SH3RF3: variants seen among roughly 807,000 people sequenced by gnomAD.
SH3RF3 encodes the protein E3 ubiquitin-protein ligase SH3RF3.
SH3RF3 carries 29 observed loss-of-function variants against 66.3 expected under a neutral mutation model. That is an observed-to-expected ratio of 0.44 (90% confidence interval 0.33 to 0.60). The LOEUF is 0.60. Ranked by LOEUF, SH3RF3 falls within the 20% of genes least tolerant of loss-of-function variation. The pLI is 0.04. For missense variants in SH3RF3, 1,194 were observed against 1,190.9 expected, an observed-to-expected ratio of 1.00 and a Z score of -0.04; for synonymous variants, 583 against 532.0, an observed-to-expected ratio of 1.10 and a Z score of -1.32.
At position 109,189,294 on chromosome 2, in the gene SH3RF3, G is replaced by T. The variant is rs115483021; in HGVS notation, c.573+59181G>T. 7.6e-3 allele frequency among the ~76,000 whole-genome samples: 1,147 copies of T among 151,916 alleles called. 5 individuals carry two copies. Among genetic ancestry groups the T allele is most frequent in the Middle Eastern group, 0.041 (12 of 294 alleles). ...GTTACCTGGCCTTGGCATTCTGATT[G>T]TCAGGCTCCACCTGACACCCCCCAC... On this transcript the variant is annotated intron_variant, in intron 1 of 9. Coordinates refer to ENST00000309415, the MANE Select transcript of SH3RF3 (RefSeq NM_001099289.3).
chr2:109,449,509 C>T lies in SH3RF3; in HGVS notation c.2148+20C>T, dbSNP rs763129200. ...GAAAAGGTAAGAGGCCCATCCTGGA[C>T]GAGCCCTGGGCTCGAGGCCAGCTGC... On this transcript the variant is annotated intron_variant, in intron 8 of 9. Coordinates refer to ENST00000309415, the MANE Select transcript of SH3RF3 (RefSeq NM_001099289.3). The T allele has an allele frequency of 4.9e-5, 79 of 1,610,704 alleles. No homozygotes were observed. The highest frequency in any genetic ancestry group is 5.9e-5 in the Non-Finnish European group (70 of 1,178,634).
intron 4 of SH3RF3, among the ~76,000 whole-genome samples, chr2:109,407,773 T>G (rs1676485540): frequency 6.6e-6 from 1 of 152,238 alleles, no homozygotes; most frequent in South Asian, 2.1e-4. Flanking sequence ...TGTGAGAATC[T>G]TATACAAGAA....
At chr2:109,392,977 C>G (rs954154046) in intron 3 of SH3RF3, among the ~76,000 whole-genome samples, 2 of 152,192 alleles carry the variant, frequency 1.3e-5, no homozygotes, top group Non-Finnish European at 2.9e-5. Flanking sequence ...CCCTCTCCAC[C>G]GCCCCTGCTT....
rs1202365720 is a variant in SH3RF3 at position 109,388,732 on chromosome 2, A to T, written c.946-9858A>T. ...AAATGAGACCCCTGCAAGAGGATGA[A>T]GTAGGCTCTAATCCTCAGACCTCCA... is the stretch of plus-strand genomic sequence containing the variant. On this transcript the variant is annotated intron_variant, in intron 3 of 9. Coordinates refer to ENST00000309415, the MANE Select transcript of SH3RF3 (RefSeq NM_001099289.3). 3.3e-5 allele frequency among the ~76,000 whole-genome samples: 5 copies of T among 152,358 alleles called. No homozygotes were observed. The East Asian group carries it at 9.6e-4, about 29-fold the overall frequency.
At position 109,228,452 on chromosome 2, in the gene SH3RF3, G is replaced by T. The variant is rs111994126; in HGVS notation, c.573+98339G>T. On this transcript the variant is annotated intron_variant, in intron 1 of 9. Transcript: ENST00000309415. ...AGAACACTTCTGATACCAGATGTGTGTGGGGTTTTGCCACACCAAGCAATT... is the reference window on the plus strand; with the variant it reads ...AGAACACTTCTGATACCAGATGTGTTTGGGGTTTTGCCACACCAAGCAATT... Among the ~76,000 whole-genome samples the T allele has an allele frequency of 5.9e-4, 90 of 152,332 alleles. 1 individual carries two copies. Among genetic ancestry groups the T allele is most frequent in the Non-Finnish European group, 1.2e-3 (83 of 68,030 alleles).
chr2:109,324,701 G>A (rs759254566), intron 1 of SH3RF3, among the ~76,000 whole-genome samples: 13 of 152,144 alleles, frequency 8.5e-5, no homozygotes, highest in Non-Finnish European at 1.8e-4. Flanking sequence ...GTGGATCCCT[G>A]CTGGTAGTAA....
chr2:109,152,460 C>G (rs1423010531), intron 1 of SH3RF3, among the ~76,000 whole-genome samples: 1 of 152,210 alleles, frequency 6.6e-6, no homozygotes, highest in Non-Finnish European at 1.5e-5. Context: ...TAGCCTTGTT[C>G]CGGGTGCCTG....
chr2:109,450,647 T>C (rs61438307), intron 8 of SH3RF3, among the ~76,000 whole-genome samples: 8,859 of 152,258 alleles, frequency 0.058, 799 homozygotes, highest in African/African-American at 0.19. Context: ...AAATTGTTGA[T>C]GAGATATTTT....
At chr2:109,292,979 A>T (rs1272168279) in intron 1 of SH3RF3, among the ~76,000 whole-genome samples, 1 of 152,142 alleles carries the variant, frequency 6.6e-6, no homozygotes, top group Non-Finnish European at 1.5e-5. Flanking sequence ...TGATCCACCC[A>T]TCTCAGCCTC....
intron 8 of SH3RF3, among the ~76,000 whole-genome samples, chr2:109,489,743 G>A (rs368043739): frequency 8.7e-5 from 11 of 127,010 alleles, no homozygotes; most frequent in Admixed American, 4.5e-4. Context: ...TTTTTGGCGG[G>A]GGGTGGGCGG....
chr2:109,296,390 G>GT (rs537851058), intron 1 of SH3RF3, among the ~76,000 whole-genome samples: 3,271 of 148,386 alleles, frequency 0.022, 103 homozygotes, highest in African/African-American at 0.075. Flanking sequence ...ACCACACCCA[G>GT]TTTTTTTTTT....
intron 8 of SH3RF3, among the ~76,000 whole-genome samples, chr2:109,483,857 C>T (rs772022790): frequency 6.6e-6 from 1 of 152,114 alleles, no homozygotes; most frequent in South Asian, 2.1e-4. Flanking sequence ...CCCCACCATC[C>T]CCTGCTTAGC....
In SH3RF3 at chr2:109,432,431, C is replaced by T. The variant is rs77578906; in HGVS notation, c.1404-70C>T. ...GGTTCCTCCAAAGACAACCTCCCCC[C>T]AGGAATGCCGGCCGGTCCCCTATCC... On this transcript the variant is annotated intron_variant, in intron 5 of 9. Coordinates refer to ENST00000309415, the MANE Select transcript of SH3RF3 (RefSeq NM_001099289.3). The T allele has an allele frequency of 7.6e-6, 12 of 1,575,856 alleles. No individual in the cohort carries two copies. In the South Asian group the frequency reaches 1.0e-4, roughly 14 times the overall value.
intron 1 of SH3RF3, among the ~76,000 whole-genome samples, chr2:109,301,521 A>G (rs182032197): frequency 6.6e-6 from 1 of 152,102 alleles, no homozygotes; most frequent in Non-Finnish European, 1.5e-5. Flanking sequence ...AGCACAGGGC[A>G]TGCCAGGACA....
chr2:109,415,862 C>T (rs1177566767), intron 4 of SH3RF3, among the ~76,000 whole-genome samples: 5 of 152,168 alleles, frequency 3.3e-5, no homozygotes, highest in Admixed American at 2.6e-4. Flanking sequence ...ATCCCCCAGG[C>T]GCAGCACTGA....
chr2:109,414,414 G>A (rs1676670696), intron 4 of SH3RF3, among the ~76,000 whole-genome samples: 1 of 152,072 alleles, frequency 6.6e-6, no homozygotes, highest in Non-Finnish European at 1.5e-5. Flanking sequence ...GGTTTCATCT[G>A]GTTTTTCAGT....
chr2:109,305,930 T>G (rs550162650), intron 1 of SH3RF3, among the ~76,000 whole-genome samples: 69 of 152,346 alleles, frequency 4.5e-4, no homozygotes, highest in African/African-American at 1.5e-3. Flanking sequence ...CTCCTCCAGC[T>G]GCTCCTCCAG....
chr2:109,415,511 C>T (rs1436694641), intron 4 of SH3RF3, among the ~76,000 whole-genome samples: 1 of 152,126 alleles, frequency 6.6e-6, no homozygotes, highest in Non-Finnish European at 1.5e-5. Context: ...CTGAGCGTGT[C>T]CAGACCCCCT....
rs1160738237 is a variant in SH3RF3, at chr2:109,502,515, G to A, written c.*844G>A. ...ATATTTCCCATATGGCTTTGGGAGA[G>A]CGCCGAGAAGCCGCCATCCCGCACC... On this transcript the variant is annotated 3_prime_UTR_variant, in exon 10 of 10. Coordinates refer to ENST00000309415, the MANE Select transcript of SH3RF3 (RefSeq NM_001099289.3). The A allele has an allele frequency of 1.3e-5, 2 of 152,178 alleles. No individual in the cohort carries two copies. 9.4% of individuals were successfully genotyped at this position (152,178 alleles called of 1,614,324 possible).
Sources: gnomAD v4.1 joint callset for allele counts (sites outside exome capture counted in the v4.1 genomes callset) on GRCh38, gnomAD v4.1.1 for gene constraint, MANE v1.5 for transcripts, NCBI Gene and HGNC (gene_info 2026-07-23, HGNC 2026-07-21) for gene names.